The following DNAH14 variants were observed in gnomAD, a reference collection of about 807,000 sequenced individuals.
DNAH14 encodes axonemal beta dynein heavy chain 14.
Under a neutral mutation model 520.9 loss-of-function variants are expected in DNAH14, and 478 were observed. The observed-to-expected ratio is 0.92, with a 90% confidence interval of 0.85 to 0.99. The LOEUF (loss-of-function observed/expected upper bound fraction) is 0.99, where lower values mean the gene tolerates loss of function less well. Ranked by LOEUF, DNAH14 falls within the 50% of genes least tolerant of loss-of-function variation. DNAH14 has a pLI of 0.00. For synonymous variants in DNAH14, 1,581 were observed against 1,757.2 expected, an observed-to-expected ratio of 0.90 and a Z score of 2.51; for missense variants, 4,831 against 5,234.5, an observed-to-expected ratio of 0.92 and a Z score of 2.38.
At chr1:225,026,667 T>C (rs1474508920) in intron 11 of DNAH14, among the ~76,000 whole-genome samples, 1 of 152,200 alleles carries the variant, frequency 6.6e-6, no homozygotes, top group Admixed American at 6.6e-5. Flanking sequence ...TATAGCTTTG[T>C]AGTAAGTTTT....
At chr1:224,957,449 G>A (rs1212564511) in intron 3 of DNAH14, among the ~76,000 whole-genome samples, 2 of 152,058 alleles carry the variant, frequency 1.3e-5, no homozygotes, top group African/African-American at 4.8e-5. Flanking sequence ...TCATGTGTGT[G>A]GATGTTTAAG....
intron 1 of DNAH14, among the ~76,000 whole-genome samples, chr1:224,935,068 G>A (rs886413319): frequency 2.0e-5 from 3 of 151,944 alleles, no homozygotes; most frequent in Non-Finnish European, 4.4e-5. Flanking sequence ...ACACATGAAA[G>A]TATAAAACTC....
chr1:225,102,702 C>G (rs562752088), intron 23 of DNAH14, among the ~76,000 whole-genome samples: 1 of 152,256 alleles, frequency 6.6e-6, no homozygotes, highest in African/African-American at 2.4e-5. Context: ...TGAGAAGTGT[C>G]TGTTCATATC....
chr1:225,094,479 G>A (rs56088855), intron 21 of DNAH14, among the ~76,000 whole-genome samples: 30,578 of 151,594 alleles, frequency 0.2, 6,389 homozygotes, highest in African/African-American at 0.52. Context: ...AATCAACTAA[G>A]CATGGATTAA....
chr1:225,173,480 A>AT (rs2082941996), intron 36 of DNAH14, among the ~76,000 whole-genome samples: 1 of 152,234 alleles, frequency 6.6e-6, no homozygotes, highest in Admixed American at 6.5e-5. Context: ...AAAAGAAGAC[A>AT]TTTTTGCAGC....
At chr1:225,004,199 T>C (rs1282837464) in intron 9 of DNAH14, among the ~76,000 whole-genome samples, 1 of 152,162 alleles carries the variant, frequency 6.6e-6, no homozygotes, top group African/African-American at 2.4e-5. Flanking sequence ...TCAATCTGCT[T>C]ACAGTTCATG....
At chr1:225,312,358 G>T (rs2094385219) in intron 60 of DNAH14, among the ~76,000 whole-genome samples, 1 of 152,086 alleles carries the variant, frequency 6.6e-6, no homozygotes, top group African/African-American at 2.4e-5. Flanking sequence ...AGACGATGGG[G>T]TATTCTAAAT....
At chr1:225,170,141 A>G (rs1004126095) in intron 36 of DNAH14, among the ~76,000 whole-genome samples, 13 of 152,190 alleles carry the variant, frequency 8.5e-5, no homozygotes, top group Admixed American at 2.0e-4. Flanking sequence ...GAAAGGAACA[A>G]CCAGTACCAG....
intron 75 of DNAH14, among the ~76,000 whole-genome samples, chr1:225,361,734 T>A (rs1437815403): frequency 6.6e-6 from 1 of 152,214 alleles, no homozygotes; most frequent in East Asian, 1.9e-4. Context: ...TTAAAAACTA[T>A]ACCAGCGGGG....
chr1:225,006,476 T>C (rs2064178484), intron 9 of DNAH14, among the ~76,000 whole-genome samples: 1 of 152,102 alleles, frequency 6.6e-6, no homozygotes, highest in Admixed American at 6.6e-5. Flanking sequence ...GGAATAACCC[T>C]GGGAAGGGAA....
At chr1:225,014,089 C>T (rs1306980035) in intron 10 of DNAH14, among the ~76,000 whole-genome samples, 1 of 152,152 alleles carries the variant, frequency 6.6e-6, no homozygotes, top group Non-Finnish European at 1.5e-5. Context: ...GTGGTGTAGG[C>T]ACCTGAGGGA....
intron 35 of DNAH14, among the ~76,000 whole-genome samples, chr1:225,166,484 G>T (rs1315238760): frequency 6.6e-6 from 1 of 151,990 alleles, no homozygotes. Context: ...AAATTATGAT[G>T]GTTTTAATAT....
At chr1:225,295,893 A>G (rs1238919359) in intron 55 of DNAH14, among the ~76,000 whole-genome samples, 2 of 152,174 alleles carry the variant, frequency 1.3e-5, no homozygotes, top group African/African-American at 2.4e-5. Flanking sequence ...TCCTTTAGAT[A>G]TAATATTTGA....
At chr1:224,990,865 C>CTAAAA (rs1479099634) in intron 8 of DNAH14, among the ~76,000 whole-genome samples, 9 of 152,022 alleles carry the variant, frequency 5.9e-5, no homozygotes, top group Non-Finnish European at 1.3e-4. Context: ...TTTTGAGGAA[C>CTAAAA]CTCCATACAG....
intron 6 of DNAH14, chr1:224,967,937 A>G: frequency 3.4e-6 from 4 of 1,183,012 alleles, no homozygotes; most frequent in Non-Finnish European, 4.2e-6. Flanking sequence ...TTTGTCAGAA[A>G]CTTTATTGCC....
At chr1:225,107,617 G>C (rs998119838) in intron 23 of DNAH14, among the ~76,000 whole-genome samples, 4 of 152,144 alleles carry the variant, frequency 2.6e-5, no homozygotes, top group Admixed American at 1.3e-4. Flanking sequence ...GACAGAGGCA[G>C]GGGCTCTCCA....
At chr1:225,113,965 C>T (rs1270859928) in intron 23 of DNAH14, among the ~76,000 whole-genome samples, 2 of 152,324 alleles carry the variant, frequency 1.3e-5, no homozygotes, top group African/African-American at 2.4e-5. Context: ...CTGCTTGGTG[C>T]TCTACCCCAT....
At chr1:225,311,465 T>C (rs1294187678) in intron 60 of DNAH14, among the ~76,000 whole-genome samples, 2 of 152,210 alleles carry the variant, frequency 1.3e-5, no homozygotes, top group Admixed American at 6.5e-5. Flanking sequence ...TAGATCCCAT[T>C]TGTCAATTTT....
chr1:225,234,008 C>T (rs1473517760), intron 42 of DNAH14, among the ~76,000 whole-genome samples: 3 of 152,232 alleles, frequency 2.0e-5, no homozygotes, highest in South Asian at 2.1e-4. Context: ...CTGCATATGG[C>T]TAGCCAATTC....
Sources: allele counts gnomAD v4.1 joint callset (sites outside exome capture counted in the v4.1 genomes callset), GRCh38; gene constraint gnomAD v4.1.1; transcripts MANE v1.5; gene names NCBI Gene and HGNC (gene_info 2026-07-23, HGNC 2026-07-21).